Variants in PTPRG observed in about 807,000 individuals in gnomAD.
The protein encoded by PTPRG is protein tyrosine phosphatase receptor type G, also known as receptor-type tyrosine-protein phosphatase gamma.
A neutral mutation model predicts 165.3 loss-of-function variants in PTPRG; 102 were observed. That is an observed-to-expected ratio of 0.62 (90% CI 0.53 to 0.73). The LOEUF (loss-of-function observed/expected upper bound fraction) is 0.73. Ranked by LOEUF, PTPRG falls within the 30% of genes least tolerant of loss-of-function variation. The pLI is 0.00. For missense variants in PTPRG, 1,866 were observed against 1,861.4 expected (o/e 1.00, Z -0.05); for synonymous variants, 675 against 669.5 (o/e 1.01, Z -0.13).
intron 1 of PTPRG, among the ~76,000 whole-genome samples, chr3:61,697,894 G>C (rs2030701533): frequency 6.6e-6 from 1 of 152,162 alleles, no homozygotes; most frequent in Admixed American, 6.6e-5. Flanking sequence ...TAAACATTCA[G>C]AGGGAGAGGG....
intron 2 of PTPRG, among the ~76,000 whole-genome samples, chr3:61,827,529 C>T (rs747745643): frequency 6.6e-6 from 1 of 152,174 alleles, no homozygotes; most frequent in Non-Finnish European, 1.5e-5. Flanking sequence ...CTCGTGACCT[C>T]ATGATATTTT....
chr3:61,809,162 C>T (rs75920855), intron 2 of PTPRG, among the ~76,000 whole-genome samples: 6,876 of 150,148 alleles, frequency 0.046, 199 homozygotes, highest in Middle Eastern at 0.093. Context: ...ATTATTATCA[C>T]GGTGGGGGAG....
chr3:61,725,970 A>T (rs1420710468), intron 1 of PTPRG, among the ~76,000 whole-genome samples: 5 of 152,182 alleles, frequency 3.3e-5, no homozygotes, highest in African/African-American at 1.2e-4. Flanking sequence ...ATGTGGTATC[A>T]ACAAAGCTGG....
intron 2 of PTPRG, among the ~76,000 whole-genome samples, chr3:61,849,838 C>T (rs2036913066): frequency 6.6e-6 from 1 of 152,204 alleles, no homozygotes; most frequent in South Asian, 2.1e-4. Flanking sequence ...ACTGCTGAAA[C>T]TCCTTTTATT....
chr3:61,775,032 C>T (rs975303801), intron 2 of PTPRG, among the ~76,000 whole-genome samples: 29 of 152,030 alleles, frequency 1.9e-4, no homozygotes, highest in African/African-American at 5.6e-4. Flanking sequence ...TTTTTTGACT[C>T]GTATGTGATG....
At chr3:61,839,679 A>G (rs2036566034) in intron 2 of PTPRG, among the ~76,000 whole-genome samples, 1 of 152,246 alleles carries the variant, frequency 6.6e-6, no homozygotes, top group Non-Finnish European at 1.5e-5. Context: ...TTATAGAGCT[A>G]ACACATGTTC....
chr3:62,066,114 G>C (rs867566484), intron 4 of PTPRG, among the ~76,000 whole-genome samples: 6 of 81,598 alleles, frequency 7.4e-5, no homozygotes, highest in Middle Eastern at 8.3e-3. Context: ...GAAGAGGAGG[G>C]AATACAACCA....
intron 16 of PTPRG, among the ~76,000 whole-genome samples, chr3:62,259,340 T>A (rs531024919): frequency 6.6e-6 from 1 of 152,124 alleles, no homozygotes; most frequent in Non-Finnish European, 1.5e-5. Context: ...CTAGGCCACA[T>A]TGGAAGAAGA....
chr3:61,824,274 A>T (rs1460711905), intron 2 of PTPRG, among the ~76,000 whole-genome samples: 1 of 152,204 alleles, frequency 6.6e-6, no homozygotes, highest in Non-Finnish European at 1.5e-5. Flanking sequence ...GACTTGTCAT[A>T]TTTGTAGATG....
intron 2 of PTPRG, among the ~76,000 whole-genome samples, chr3:61,754,827 A>G (rs1265487047): frequency 1.3e-5 from 2 of 152,208 alleles, no homozygotes; most frequent in East Asian, 3.8e-4. Flanking sequence ...TGCCTGCAGA[A>G]TTCAGCTTTT....
intron 2 of PTPRG, among the ~76,000 whole-genome samples, chr3:61,979,184 A>T (rs542808775): frequency 5.3e-5 from 8 of 152,310 alleles, no homozygotes; most frequent in African/African-American, 1.9e-4. Flanking sequence ...TCAGATTTTG[A>T]TGCAATATGG....
At chr3:62,091,198 C>A (rs1288485855) in intron 5 of PTPRG, among the ~76,000 whole-genome samples, 2 of 152,188 alleles carry the variant, frequency 1.3e-5, no homozygotes, top group Non-Finnish European at 2.9e-5. Context: ...ATATACACAT[C>A]CTCCTGGCCT....
At chr3:62,045,001 C>T (rs112580206) in intron 4 of PTPRG, among the ~76,000 whole-genome samples, 105 of 152,056 alleles carry the variant, frequency 6.9e-4, no homozygotes, top group Middle Eastern at 3.4e-3. Flanking sequence ...GAGTGTGACC[C>T]GGATGAGTGT....
chr3:62,059,827 C>G (rs1351093197), intron 4 of PTPRG, among the ~76,000 whole-genome samples: 1 of 152,156 alleles, frequency 6.6e-6, no homozygotes, highest in East Asian at 1.9e-4. Flanking sequence ...CTCACGAGAT[C>G]TGATGGTTTC....
chr3:61,819,108 G>A lies in PTPRG; in HGVS notation c.190+70126G>A, dbSNP rs150687360. ...TTCTTGTGAAACTTTTTTTTTCTTT[G>A]ACAGTAGTGTTATATGCCAAAAAGA... On this transcript the variant is annotated intron_variant, in intron 2 of 29. Transcript: ENST00000474889. 6.2e-4 allele frequency among the ~76,000 whole-genome samples: 94 copies of A among 151,722 alleles called. 1 individual carries two copies. The highest frequency in any genetic ancestry group is 6.8e-3 in the Middle Eastern group (2 of 294).
At chr3:61,761,198 C>T (rs1314646122) in intron 2 of PTPRG, among the ~76,000 whole-genome samples, 2 of 152,176 alleles carry the variant, frequency 1.3e-5, no homozygotes, top group Non-Finnish European at 2.9e-5. Context: ...AATGATTGAA[C>T]TAATTTAAAT....
Position 62,295,920 on chromosome 3 carries a change from C to T in PTPRG, c.*2613C>T, listed in dbSNP as rs1703045742. 6.6e-6 allele frequency: 1 copy of T among 152,028 alleles called. No homozygotes were observed. The highest frequency in any genetic ancestry group is 1.5e-5 in the Non-Finnish European group (1 of 67,980). 9.4% of individuals were successfully genotyped at this position (152,028 alleles called of 1,614,324 possible). On this transcript the variant is annotated 3_prime_UTR_variant, in exon 30 of 30. Coordinates refer to ENST00000474889, the MANE Select transcript of PTPRG (RefSeq NM_002841.4). ...TTTTCTTTGAGACATAAGCACATTG[C>T]TTAAGTACATAACAAGGTTATTAAC...
chr3:61,982,468 A>G (rs1230006228), intron 2 of PTPRG, among the ~76,000 whole-genome samples: 1 of 152,200 alleles, frequency 6.6e-6, no homozygotes, highest in Non-Finnish European at 1.5e-5. Flanking sequence ...CTAAACATGC[A>G]TAGGTCAAAG....
chr3:62,050,722 T>C (rs1057119468), intron 4 of PTPRG, among the ~76,000 whole-genome samples: 3 of 151,972 alleles, frequency 2.0e-5, no homozygotes, highest in Non-Finnish European at 4.4e-5. Flanking sequence ...AGTCCAGAGG[T>C]ATCATTGGTT....
Sources: gnomAD v4.1 joint callset for allele counts (sites outside exome capture counted in the v4.1 genomes callset) on GRCh38, gnomAD v4.1.1 for gene constraint, MANE v1.5 for transcripts, NCBI Gene and HGNC (gene_info 2026-07-23, HGNC 2026-07-21) for gene names.